The following IPCEF1 variants were observed in gnomAD, a reference collection of about 807,000 sequenced individuals.
The protein encoded by IPCEF1 is interactor protein for cytohesin exchange factors 1.
In IPCEF1, 31 loss-of-function variants were observed where a neutral mutation model predicts 50.9. The ratio of observed to expected loss-of-function variants is 0.61; its 90% CI spans 0.46 to 0.82. The LOEUF (loss-of-function observed/expected upper bound fraction) is 0.82. Among genes scored for constraint, IPCEF1 ranks in the 40% least tolerant of loss-of-function variants. The pLI, the probability that IPCEF1 is intolerant of heterozygous loss-of-function variation, is 0.00. For missense variants in IPCEF1, 458 were observed against 514.0 expected, an observed-to-expected ratio of 0.89 and a Z score of 1.05; for synonymous variants, 181 against 192.0, an observed-to-expected ratio of 0.94 and a Z score of 0.47.
At chr6:154,307,371 C>T (rs1782962301) in intron 1 of IPCEF1, among the ~76,000 whole-genome samples, 1 of 152,210 alleles carries the variant, frequency 6.6e-6, no homozygotes. Flanking sequence ...ACTTGCTCCT[C>T]CTTGCCTTCC....
At chr6:154,236,541 T>C (rs575322618) in intron 5 of IPCEF1, among the ~76,000 whole-genome samples, 9 of 152,334 alleles carry the variant, frequency 5.9e-5, no homozygotes, top group African/African-American at 9.6e-5. Flanking sequence ...ATGGCTAAGA[T>C]GGTAAACTTC....
intron 10 of IPCEF1, among the ~76,000 whole-genome samples, chr6:154,189,697 G>A (rs181526947): frequency 7.2e-5 from 11 of 152,034 alleles, no homozygotes; most frequent in South Asian, 6.2e-4. Context: ...GGCCAGGCGC[G>A]GTGGCTGATG....
chr6:154,279,062 T>C (rs1782140638), intron 2 of IPCEF1, among the ~76,000 whole-genome samples: 1 of 149,960 alleles, frequency 6.7e-6, no homozygotes, highest in South Asian at 2.1e-4. Flanking sequence ...GGGATAGAGG[T>C]TGCACTGAGT....
chr6:154,192,013 T>C (rs1030796427), intron 10 of IPCEF1, among the ~76,000 whole-genome samples: 1 of 152,168 alleles, frequency 6.6e-6, no homozygotes, highest in African/African-American at 2.4e-5. Flanking sequence ...TATTGTTGTA[T>C]AGTAAAACAA....
chr6:154,318,497 G>A (rs1202617798), intron 1 of IPCEF1, among the ~76,000 whole-genome samples: 1 of 152,012 alleles, frequency 6.6e-6, no homozygotes, highest in Non-Finnish European at 1.5e-5. Context: ...GAGATGGAAG[G>A]CACAAATCTG....
chr6:154,242,055 T>C (rs993533041), intron 5 of IPCEF1, among the ~76,000 whole-genome samples: 2 of 152,174 alleles, frequency 1.3e-5, no homozygotes, highest in African/African-American at 4.8e-5. Context: ...CCTTGAAAAA[T>C]GGGAATAATA....
chr6:154,223,975 T>C (rs1779062081), intron 5 of IPCEF1, among the ~76,000 whole-genome samples: 1 of 152,210 alleles, frequency 6.6e-6, no homozygotes, highest in Non-Finnish European at 1.5e-5. Context: ...ATAGGAAATA[T>C]AATCACTGTC....
At chr6:154,245,761 T>G (rs906730658) in intron 5 of IPCEF1, among the ~76,000 whole-genome samples, 5 of 152,174 alleles carry the variant, frequency 3.3e-5, no homozygotes, top group African/African-American at 1.2e-4. Context: ...AGAGCAGCAA[T>G]CAAACCTCAC....
intron 10 of IPCEF1, among the ~76,000 whole-genome samples, chr6:154,175,645 AC>A (rs1395939668): frequency 6.6e-6 from 1 of 152,164 alleles, no homozygotes; most frequent in East Asian, 1.9e-4. Context: ...CTCTGAATAG[AC>A]TAAAAATAGC....
At chr6:154,243,723 T>C (rs1036142054) in intron 5 of IPCEF1, among the ~76,000 whole-genome samples, 1 of 152,180 alleles carries the variant, frequency 6.6e-6, no homozygotes, top group Non-Finnish European at 1.5e-5. Context: ...GGAGTCGGAT[T>C]GGCATGCTGT....
chr6:154,219,742 A>T (rs552971368), intron 7 of IPCEF1, among the ~76,000 whole-genome samples: 2 of 152,172 alleles, frequency 1.3e-5, no homozygotes, highest in South Asian at 4.2e-4. Flanking sequence ...CCAAGGGGAT[A>T]AAAAAAAGCT....
intron 1 of IPCEF1, among the ~76,000 whole-genome samples, chr6:154,329,389 A>C (rs1237050357): frequency 6.6e-6 from 1 of 152,126 alleles, no homozygotes; most frequent in Non-Finnish European, 1.5e-5. Context: ...TGAGCTCAGG[A>C]GTTTGAGATC....
intron 2 of IPCEF1, among the ~76,000 whole-genome samples, chr6:154,283,397 C>A (rs966832032): frequency 4.6e-5 from 7 of 151,260 alleles, no homozygotes; most frequent in African/African-American, 1.7e-4. Flanking sequence ...GAGATCATGA[C>A]CATCCTGGCT....
intron 10 of IPCEF1, among the ~76,000 whole-genome samples, chr6:154,190,402 A>C (rs2128579926): frequency 6.6e-6 from 1 of 152,352 alleles, no homozygotes; most frequent in East Asian, 1.9e-4. Flanking sequence ...AAAAAAGCGT[A>C]TGAAAAGATG....
At chr6:154,255,072 T>C (rs1781429892) in intron 3 of IPCEF1, among the ~76,000 whole-genome samples, 1 of 152,188 alleles carries the variant, frequency 6.6e-6, no homozygotes, top group Non-Finnish European at 1.5e-5. Context: ...TTGTGTATTA[T>C]TATTCTTAAT....
intron 1 of IPCEF1, among the ~76,000 whole-genome samples, chr6:154,319,126 G>A (rs548085848): frequency 5.3e-5 from 8 of 152,148 alleles, no homozygotes; most frequent in African/African-American, 1.7e-4. Flanking sequence ...CCAATTGTGC[G>A]TGAATGAAGT....
intron 10 of IPCEF1, among the ~76,000 whole-genome samples, chr6:154,175,742 TACAAAGAGG>T (rs1335217387): frequency 3.3e-5 from 5 of 152,060 alleles, no homozygotes; most frequent in African/African-American, 1.2e-4. Context: ...CTACCAGAGG[TACAAAGAGG>T]AGCTGGTACC....
intron 5 of IPCEF1, among the ~76,000 whole-genome samples, chr6:154,229,346 G>GTTTTTTTTTTTTTTTTTTTTTTTTT (rs34462600): frequency 8.9e-6 from 1 of 112,680 alleles, no homozygotes; most frequent in African/African-American, 3.4e-5. Flanking sequence ...AAGTTTGCCG[G>GTTTTTTTTTTTTTTTTTTTTTTTTT]TTTTTTTTTT....
At chr6:154,293,799 G>T (rs917692885) in intron 1 of IPCEF1, among the ~76,000 whole-genome samples, 1 of 152,072 alleles carries the variant, frequency 6.6e-6, no homozygotes, top group South Asian at 2.1e-4. Flanking sequence ...TATTTTTTAG[G>T]CCAAATACAG....
Sources: gnomAD v4.1 joint callset for allele counts (sites outside exome capture counted in the v4.1 genomes callset) on GRCh38, gnomAD v4.1.1 for gene constraint, MANE v1.5 for transcripts, NCBI Gene and HGNC (gene_info 2026-07-23, HGNC 2026-07-21) for gene names.